TRPM6: variants seen among roughly 807,000 people sequenced by gnomAD.
The protein encoded by TRPM6 is transient receptor potential cation channel subfamily M member 6.
In TRPM6, 111 loss-of-function variants were observed where a neutral mutation model predicts 247.6. That is an observed-to-expected ratio of 0.45 (90% CI 0.38 to 0.52). The LOEUF (loss-of-function observed/expected upper bound fraction) is 0.52, where lower values mean the gene tolerates loss of function less well. Among genes scored for constraint, TRPM6 ranks in the 20% least tolerant of loss-of-function variants. The pLI, the probability that TRPM6 is intolerant of heterozygous loss-of-function variation, is 0.00. For synonymous variants in TRPM6, 892 were observed against 853.8 expected (o/e 1.04, Z -0.78); for missense variants, 2,126 against 2,421.5 (o/e 0.88, Z 2.56).
intron 3 of TRPM6, among the ~76,000 whole-genome samples, chr9:74,850,202 TCTCTA>T (rs1327659655): frequency 5.3e-5 from 8 of 151,426 alleles, no homozygotes; most frequent in African/African-American, 1.5e-4. Flanking sequence ...TAAAACCCCA[TCTCTA>T]CTAAAAATAC....
chr9:74,810,511 C>T (rs894545246), intron 13 of TRPM6, among the ~76,000 whole-genome samples: 8 of 152,210 alleles, frequency 5.3e-5, no homozygotes, highest in African/African-American at 9.7e-5. Context: ...TCATCATAGG[C>T]ACCACCACGG....
chr9:74,792,801 T>G, intron 18 of TRPM6, 31 bp from the exon 19 acceptor site: 1 of 1,601,406 alleles, frequency 6.2e-7, no homozygotes, highest in Non-Finnish European at 8.6e-7. Flanking sequence ...CATTTTCTTG[T>G]CAGCAGCTTA....
chr9:74,831,937 T>C (rs1829559513), intron 6 of TRPM6, among the ~76,000 whole-genome samples: 1 of 152,240 alleles, frequency 6.6e-6, no homozygotes, highest in Non-Finnish European at 1.5e-5. Context: ...ACATAGAGCA[T>C]GTAAACTAAT....
intron 33 of TRPM6, 57 bp from the exon 34 acceptor site, chr9:74,740,066 A>G (rs1825813963): frequency 1.3e-6 from 2 of 1,564,720 alleles, no homozygotes; most frequent in Non-Finnish European, 1.7e-6. Flanking sequence ...TGTGACATGA[A>G]TAGTATCCTA....
chr9:74,887,283 C>A, intron 1 of TRPM6: 1 of 1,353,806 alleles, frequency 7.4e-7, no homozygotes, highest in Non-Finnish European at 9.5e-7. Flanking sequence ...ACACTGGGCG[C>A]ACGGGGACGC....
intron 29 of TRPM6, among the ~76,000 whole-genome samples, chr9:74,751,070 T>C (rs150479627): frequency 6.5e-4 from 99 of 152,288 alleles, no homozygotes; most frequent in African/African-American, 2.3e-3. Flanking sequence ...AATCAGCTAA[T>C]GACATGGAGA....
At chr9:74,837,464 T>C (rs1269307757) in intron 5 of TRPM6, among the ~76,000 whole-genome samples, 2 of 152,082 alleles carry the variant, frequency 1.3e-5, no homozygotes, top group Non-Finnish European at 2.9e-5. Context: ...TTTTTTTTTT[T>C]TGAGACGGAG....
chr9:74,758,665 A>G (rs1028380752), intron 27 of TRPM6, among the ~76,000 whole-genome samples: 5 of 152,200 alleles, frequency 3.3e-5, no homozygotes, highest in African/African-American at 1.2e-4. Flanking sequence ...AGAAAAACCT[A>G]TAGCTAACCT....
At position 74,858,620 on chromosome 9, in the gene TRPM6, C is replaced by A. The variant is rs563392770; in HGVS notation, c.113+49G>T. 5 of 1,179,112 alleles carry A rather than the reference C, an allele frequency of 4.2e-6. No individual in the cohort carries two copies. In the East Asian group the frequency reaches 1.2e-4, roughly 28 times the overall value. The allele number at this position is 1,179,112 out of a possible 1,614,324, so 73.0% of individuals were successfully genotyped here. ...ATATTTCTAAGTTTCTATAAATAGTCCATCAGGTAGTGTTGCTTTTAAAAG... is the reference window on the plus strand; with the variant it reads ...ATATTTCTAAGTTTCTATAAATAGTACATCAGGTAGTGTTGCTTTTAAAAG... On this transcript the variant is annotated intron_variant, in intron 2 of 38. Coordinates refer to ENST00000360774, the MANE Select transcript of TRPM6 (RefSeq NM_017662.5).
Position 74,761,837 on chromosome 9 carries a change from T to C in TRPM6, c.4673-29A>G, listed in dbSNP as rs376769629. ...CAAGGAAATGGTCTACATGAGAAAG[T>C]TGACAACAGTAAGTGGGGAACATTT... On this transcript the variant is annotated intron_variant, in intron 26 of 38. Transcript: ENST00000360774. The C allele has an allele frequency of 9.0e-6, 14 of 1,556,542 alleles. No homozygotes were observed. In the Admixed American group the frequency reaches 1.5e-4, roughly 17 times the overall value.
At chr9:74,853,180 G>T (rs1830407649) in intron 3 of TRPM6, among the ~76,000 whole-genome samples, 1 of 151,344 alleles carries the variant, frequency 6.6e-6, no homozygotes, top group Non-Finnish European at 1.5e-5. Context: ...CTGCCCGGCC[G>T]CCCCGTCTGA....
chr9:74,856,136 T>C (rs987041514), intron 2 of TRPM6, among the ~76,000 whole-genome samples: 17 of 152,168 alleles, frequency 1.1e-4, no homozygotes, highest in African/African-American at 3.9e-4. Context: ...GTTAGCACTG[T>C]TGTCATCAGT....
intron 38 of TRPM6, among the ~76,000 whole-genome samples, chr9:74,726,733 A>G (rs1332957002): frequency 2.0e-5 from 3 of 152,120 alleles, no homozygotes; most frequent in Admixed American, 6.5e-5. Flanking sequence ...AAAGGACAGT[A>G]TCGGAGGATG....
intron 31 of TRPM6, among the ~76,000 whole-genome samples, chr9:74,744,711 C>A (rs1825975578): frequency 1.3e-5 from 2 of 152,208 alleles, no homozygotes; most frequent in South Asian, 4.1e-4. Flanking sequence ...AACTCATTCT[C>A]TTCTGTCTGC....
At chr9:74,725,492 A>G (rs1825286788) in intron 38 of TRPM6, among the ~76,000 whole-genome samples, 2 of 152,198 alleles carry the variant, frequency 1.3e-5, no homozygotes, top group African/African-American at 4.8e-5. Flanking sequence ...TCCCCACCCC[A>G]AATTTCATCT....
chr9:74,833,958 G>A (rs773038336), intron 6 of TRPM6, 40 bp downstream of exon 6: 17 of 1,611,674 alleles, frequency 1.1e-5, no homozygotes, highest in East Asian at 4.5e-5. Context: ...ATTTGCACAC[G>A]TGTTCGTTTG....
chr9:74,736,311 T>A (rs1825691123), intron 36 of TRPM6, among the ~76,000 whole-genome samples: 1 of 152,126 alleles, frequency 6.6e-6, no homozygotes, highest in African/African-American at 2.4e-5. Flanking sequence ...ACTCCAGAGC[T>A]CCTCCTCCTA....
chr9:74,824,511 G>GA (rs59044061), intron 7 of TRPM6, among the ~76,000 whole-genome samples: 669 of 46,844 alleles, frequency 0.014, 24 homozygotes, highest in Non-Finnish European at 0.026. Context: ...GGCTTTTTCT[G>GA]AAAAAAAAAA....
intron 37 of TRPM6, 88 bp downstream of exon 37, chr9:74,732,597 G>A (rs1021464355): frequency 5.0e-6 from 5 of 1,009,514 alleles, no homozygotes; most frequent in Non-Finnish European, 7.5e-6. Context: ...ATCTAGGCAG[G>A]GAACATATAT....
Sources: gnomAD v4.1 joint callset for allele counts (sites outside exome capture counted in the v4.1 genomes callset) on GRCh38, gnomAD v4.1.1 for gene constraint, MANE v1.5 for transcripts, NCBI Gene and HGNC (gene_info 2026-07-23, HGNC 2026-07-21) for gene names.